DNAH10: variants seen among roughly 807,000 people sequenced by gnomAD.
DNAH10 encodes the protein dynein axonemal heavy chain 10.
Under a neutral mutation model 506.6 loss-of-function variants are expected in DNAH10, and 348 were observed. That is an observed-to-expected ratio of 0.69 (90% CI 0.63 to 0.75). The LOEUF (loss-of-function observed/expected upper bound fraction) is 0.75, where lower values mean the gene tolerates loss of function less well. Among genes scored for constraint, DNAH10 ranks in the 30% least tolerant of loss-of-function variants. DNAH10 has a pLI of 0.00. For missense variants in DNAH10, 5,179 were observed against 5,787.1 expected, an observed-to-expected ratio of 0.89 and a Z score of 3.41; for synonymous variants, 2,059 against 2,198.6, an observed-to-expected ratio of 0.94 and a Z score of 1.78.
rs760164576 is a variant in DNAH10, at chr12:123,804,909, C to T, written c.2856C>T (p.Ala952=). Residue 952 remains alanine, a synonymous_variant, in exon 18 of 79, where the codon GCC becomes GCT. Coordinates refer to ENST00000673944, the MANE Select transcript of DNAH10 (RefSeq NM_001372106.1). ...ACCACATGGTCCGGTGGTATCTTGCCATTGGACCACTGCTGACCAAAGTTG... is the reference window on the plus strand; with the variant it reads ...ACCACATGGTCCGGTGGTATCTTGCTATTGGACCACTGCTGACCAAAGTTG... The part of the protein sequence containing the change: ...DVDHMVRWYL[A]IGPLLTKVEG... 1.5e-5 allele frequency: 24 copies of T among 1,613,834 alleles called. No homozygotes were observed. The South Asian group carries it at 2.1e-4, about 14-fold the overall frequency.
At chr12:123,856,834 AAATT>A (rs1490958957) in intron 36 of DNAH10, among the ~76,000 whole-genome samples, 5 of 148,734 alleles carry the variant, frequency 3.4e-5, no homozygotes, top group Non-Finnish European at 7.4e-5. Flanking sequence ...ATATAATTTT[AAATT>A]AATTTCTGTA....
intron 15 of DNAH10, 77 bp downstream of exon 15, chr12:123,800,465 G>A: frequency 7.6e-7 from 1 of 1,323,248 alleles, no homozygotes; most frequent in African/African-American, 1.5e-5. Flanking sequence ...AAATTATTGA[G>A]GACCCCTCCA....
At position 123,833,096 on chromosome 12, in the gene DNAH10, T is replaced by G; in HGVS notation, c.4546-18T>G. Reference sequence around the variant, plus strand: ...TCAGTTCGTGTGCCTGAATCATTCTTTTTCTATTCCTGAACAGGCTGTGAA... The same window carrying G: ...TCAGTTCGTGTGCCTGAATCATTCTGTTTCTATTCCTGAACAGGCTGTGAA... On this transcript the variant is annotated intron_variant, in intron 26 of 78. Coordinates refer to ENST00000673944, the MANE Select transcript of DNAH10 (RefSeq NM_001372106.1). 6.3e-7 allele frequency: 1 copy of G among 1,579,014 alleles called. No homozygotes were observed. The highest frequency in any genetic ancestry group is 8.6e-7 in the Non-Finnish European group (1 of 1,156,894).
intron 29 of DNAH10, 33 bp from the exon 30 acceptor site, chr12:123,841,289 A>G: frequency 3.1e-6 from 5 of 1,607,162 alleles, no homozygotes; most frequent in Non-Finnish European, 4.3e-6. Flanking sequence ...AACTCCGTGC[A>G]GGTCTTACAG....
At chr12:123,895,017 A>G (rs11833047) in intron 54 of DNAH10, among the ~76,000 whole-genome samples, 7,387 of 152,274 alleles carry the variant, frequency 0.049, 595 homozygotes, top group African/African-American at 0.17. Context: ...TGTTTTAGTA[A>G]ATAAAGTTTT....
At chr12:123,879,171 C>T in intron 48 of DNAH10, 93 bp from the exon 49 acceptor site, 1 of 918,798 alleles carries the variant, frequency 1.1e-6, no homozygotes, top group Non-Finnish European at 1.5e-6. Context: ...CTTTATTGCG[C>T]TCTGTGTGTC....
rs373397275 is a variant in DNAH10, at chr12:123,769,922, G to GTTTTT, written c.299-1666_299-1662dup. Among the ~76,000 whole-genome samples, 25 of 139,974 alleles carry GTTTTT rather than the reference G, an allele frequency of 1.8e-4. 6 individuals are homozygous for GTTTTT. Among genetic ancestry groups the GTTTTT allele is most frequent in the East Asian group, 1.3e-3 (6 of 4,730 alleles). The allele number at this position is 139,974 out of a possible 152,430, so 91.8% of individuals were successfully genotyped here. A position where few individuals can be genotyped will look rare whatever the true frequency, so the allele number is the denominator to read the frequency against. On this transcript the variant is annotated intron_variant, in intron 2 of 78. Coordinates refer to ENST00000673944, the MANE Select transcript of DNAH10 (RefSeq NM_001372106.1). Reference sequence around the variant, plus strand: ...ATGTGTGCCACCATGCCTGGCTAAGGTTTTTTTTTTTTTTTTTAACTTAAA... The same window carrying GTTTTT: ...ATGTGTGCCACCATGCCTGGCTAAGGTTTTTTTTTTTTTTTTTTTTTTAACTTAAA...
chr12:123,873,513 C>G (rs1952118179), intron 45 of DNAH10, 45 bp from the exon 46 acceptor site: 1 of 1,567,182 alleles, frequency 6.4e-7, no homozygotes, highest in African/African-American at 1.4e-5. Flanking sequence ...CTGCTGCTAC[C>G]CTGGGGAAAA....
At chr12:123,896,854 G>C (rs1415339485) in intron 54 of DNAH10, among the ~76,000 whole-genome samples, 1 of 151,848 alleles carries the variant, frequency 6.6e-6, no homozygotes, top group African/African-American at 2.4e-5. Flanking sequence ...TAAAATATAT[G>C]TAACATAACA....
intron 56 of DNAH10, among the ~76,000 whole-genome samples, chr12:123,901,176 G>A (rs1001037707): frequency 2.6e-5 from 4 of 152,290 alleles, no homozygotes; most frequent in African/African-American, 9.6e-5. Flanking sequence ...CCCTTTGCAG[G>A]CTGCTCCCCA....
intron 5 of DNAH10, among the ~76,000 whole-genome samples, chr12:123,780,735 G>A (rs1041308007): frequency 2.0e-5 from 3 of 151,320 alleles, no homozygotes; most frequent in African/African-American, 7.3e-5. Context: ...TGGATCATGA[G>A]GTCAGGAGAT....
At chr12:123,771,091 T>C (rs1957236897) in intron 2 of DNAH10, among the ~76,000 whole-genome samples, 1 of 149,036 alleles carries the variant, frequency 6.7e-6, no homozygotes, top group Admixed American at 6.9e-5. Flanking sequence ...TGCCTCAGCC[T>C]CCCGAGTAGC....
intron 43 of DNAH10, among the ~76,000 whole-genome samples, chr12:123,868,353 A>C (rs1298794465): frequency 6.6e-6 from 1 of 152,176 alleles, no homozygotes; most frequent in Non-Finnish European, 1.5e-5. Flanking sequence ...GATGAGAGTC[A>C]ACTTCTCTTG....
At position 123,921,691 on chromosome 12, in the gene DNAH10, G is replaced by T. The variant is rs75093137; in HGVS notation, c.11507-2072G>T. Among the ~76,000 whole-genome samples, 531 of 62,872 alleles carry T rather than the reference G, an allele frequency of 8.4e-3. 5 individuals carry two copies. Among genetic ancestry groups the T allele is most frequent in the Middle Eastern group, 0.031 (3 of 96 alleles). The allele number at this position is 62,872 out of a possible 152,430, so 41.2% of individuals were successfully genotyped here. ...CTTGTCCATCTGTCTGTAGCTTGCA[G>T]TTTTTTTTTTTTTTTTTTTTTTTTT... is the stretch of plus-strand genomic sequence containing the variant. On this transcript the variant is annotated intron_variant, in intron 65 of 78. Transcript: ENST00000673944.
Position 123,762,525 on chromosome 12 carries a change from G to A in DNAH10, c.189G>A (p.Val63=). ...CGCTCTTCATCTACCGCACTATGGTGCCGGAGGAGGTGGAGGTGGAGATTG... is the reference window on the plus strand; with the variant it reads ...CGCTCTTCATCTACCGCACTATGGTACCGGAGGAGGTGGAGGTGGAGATTG... ...PSALFIYRTM[V]PEEVEVEIDE... Residue 63 remains valine, a synonymous_variant, in exon 1 of 79, where the codon GTG becomes GTA. Coordinates refer to ENST00000673944, the MANE Select transcript of DNAH10 (RefSeq NM_001372106.1). This position sits in a 1 kb window ranked among gnomAD's most constrained non-coding sequence, Gnocchi z 5.0. The A allele has an allele frequency of 6.4e-7, 1 of 1,558,266 alleles. No individual in the cohort carries two copies. The highest frequency in any genetic ancestry group is 8.7e-7 in the Non-Finnish European group (1 of 1,152,148).
chr12:123,800,279 T>G lies in DNAH10; in HGVS notation c.2353T>G (p.Ser785Ala), dbSNP rs756108004. 6.2e-7 allele frequency: 1 copy of G among 1,614,100 alleles called. No individual in the cohort carries two copies. The highest frequency in any genetic ancestry group is 1.7e-5 in the Admixed American group (1 of 60,020). The change falls in exon 15 of 79, where the codon TCA (serine) becomes GCA (alanine). Residue 785 changes from serine (S) to alanine (A), a missense_variant. Transcript: ENST00000673944. Reference sequence around the variant, plus strand: ...GGGAGCTGTTTTTGCAATCAACTTTTCACCGGCTCTCAGAGAGATTATTAA... The same window carrying G: ...GGGAGCTGTTTTTGCAATCAACTTTGCACCGGCTCTCAGAGAGATTATTAA... ...ERGAVFAINF[S>A]PALREIINET...
chr12:123,798,230 C>T (rs577692697), intron 13 of DNAH10, among the ~76,000 whole-genome samples: 2 of 152,318 alleles, frequency 1.3e-5, no homozygotes, highest in South Asian at 4.1e-4. Context: ...GTCCATTTTG[C>T]TATAAAGAAA....
chr12:123,813,997 G>A (rs1959048505), intron 21 of DNAH10, 85 bp downstream of exon 21: 1 of 1,293,786 alleles, frequency 7.7e-7, no homozygotes. Context: ...CAAGTATACT[G>A]CCATTGATTT....
intron 30 of DNAH10, among the ~76,000 whole-genome samples, chr12:123,844,721 C>T (rs893657657): frequency 6.6e-6 from 1 of 152,152 alleles, no homozygotes; most frequent in Non-Finnish European, 1.5e-5. Flanking sequence ...TCACTGAAGC[C>T]TTGAGTTCCT....
Sources: allele counts gnomAD v4.1 joint callset (sites outside exome capture counted in the v4.1 genomes callset), GRCh38; gene constraint gnomAD v4.1.1; non-coding constraint Gnocchi (gnomAD v3.1); transcripts MANE v1.5; gene names NCBI Gene and HGNC (gene_info 2026-07-23, HGNC 2026-07-21).